Variants in SLC8A1 observed in about 807,000 individuals in gnomAD.
SLC8A1 encodes sodium/calcium exchanger 1.
Under a neutral mutation model 68.3 loss-of-function variants are expected in SLC8A1, and 18 were observed. The ratio of observed to expected loss-of-function variants is 0.26; its 90% confidence interval spans 0.18 to 0.39. The LOEUF (loss-of-function observed/expected upper bound fraction) is 0.39, where lower values mean the gene tolerates loss of function less well. Ranked by LOEUF, SLC8A1 falls within the 10% of genes least tolerant of loss-of-function variation. The pLI is 1.00. For missense variants in SLC8A1, 985 were observed against 1,156.7 expected (o/e 0.85, Z 2.15); for synonymous variants, 475 against 415.5 (o/e 1.14, Z -1.74).
At chr2:40,141,507 G>T (rs1332966433) in intron 6 of SLC8A1, among the ~76,000 whole-genome samples, 12 of 152,194 alleles carry the variant, frequency 7.9e-5, no homozygotes, top group Admixed American at 7.9e-4. Flanking sequence ...TTGCAGATGA[G>T]TGGAATAGCC....
chr2:40,252,939 G>GTACATA (rs201602514), intron 2 of SLC8A1, among the ~76,000 whole-genome samples: 13,064 of 97,380 alleles, frequency 0.13, 1,481 homozygotes, highest in African/African-American at 0.25. Flanking sequence ...GTATATGTAT[G>GTACATA]TACATATATA....
At chr2:40,376,237 G>C (rs1307963676) in intron 2 of SLC8A1, among the ~76,000 whole-genome samples, 51 of 152,008 alleles carry the variant, frequency 3.4e-4, no homozygotes, top group Admixed American at 3.3e-3. Context: ...ATCTAACAAT[G>C]TACAATTTAC....
chr2:40,312,576 T>C (rs962898628), intron 2 of SLC8A1, among the ~76,000 whole-genome samples: 15 of 152,158 alleles, frequency 9.9e-5, no homozygotes, highest in African/African-American at 3.6e-4. Flanking sequence ...TAAATATGTA[T>C]ATGGAAGCAA....
At chr2:40,174,148 C>T (rs879420143) in intron 4 of SLC8A1, among the ~76,000 whole-genome samples, 4 of 152,004 alleles carry the variant, frequency 2.6e-5, no homozygotes, top group Admixed American at 6.6e-5. Flanking sequence ...CAGAGAAACC[C>T]TCAGATTGGT....
intron 2 of SLC8A1, among the ~76,000 whole-genome samples, chr2:40,356,584 C>G (rs145193702): frequency 1.3e-5 from 2 of 148,184 alleles, no homozygotes; most frequent in Admixed American, 1.4e-4. Flanking sequence ...TTCAAAATCA[C>G]GTATGGTCCA....
intron 1 of SLC8A1, among the ~76,000 whole-genome samples, chr2:40,468,789 T>A (rs1399936656): frequency 1.3e-5 from 2 of 152,000 alleles, no homozygotes; most frequent in African/African-American, 4.8e-5. Context: ...TTAAAGCCTT[T>A]CCTGGGCTGG....
intron 2 of SLC8A1, among the ~76,000 whole-genome samples, chr2:40,319,328 C>T (rs1175713219): frequency 1.3e-5 from 2 of 152,088 alleles, no homozygotes; most frequent in Non-Finnish European, 2.9e-5. Flanking sequence ...CTTTCTTTCA[C>T]TATTCTTGGA....
At chr2:40,201,707 A>G (rs949569896) in intron 2 of SLC8A1, among the ~76,000 whole-genome samples, 2 of 151,956 alleles carry the variant, frequency 1.3e-5, no homozygotes, top group South Asian at 4.1e-4. Flanking sequence ...CTGTATGGTC[A>G]TAGAAACACC....
intron 2 of SLC8A1, among the ~76,000 whole-genome samples, chr2:40,354,188 A>G (rs981127299): frequency 2.6e-5 from 4 of 152,106 alleles, no homozygotes; most frequent in African/African-American, 9.7e-5. Context: ...TTTTCTCCCA[A>G]CTTTGCAATG....
chr2:40,467,661 C>T (rs973124262), intron 1 of SLC8A1, among the ~76,000 whole-genome samples: 6 of 152,102 alleles, frequency 3.9e-5, no homozygotes, highest in Admixed American at 3.9e-4. Context: ...TGCATAGTGT[C>T]GGTCTTGTTA....
chr2:40,173,118 G>T (rs1443284132), intron 4 of SLC8A1, among the ~76,000 whole-genome samples: 1 of 152,072 alleles, frequency 6.6e-6, no homozygotes, highest in African/African-American at 2.4e-5. Context: ...TATAATGGTT[G>T]ACTTAAAAAC....
chr2:40,498,711 C>G (rs1375101708), intron 1 of SLC8A1, among the ~76,000 whole-genome samples: 1 of 152,006 alleles, frequency 6.6e-6, no homozygotes, highest in Non-Finnish European at 1.5e-5. Flanking sequence ...TGGTTTTGTC[C>G]AAATACTTTG....
intron 2 of SLC8A1, among the ~76,000 whole-genome samples, chr2:40,316,280 A>C (rs1356921637): frequency 6.6e-6 from 1 of 152,072 alleles, no homozygotes; most frequent in African/African-American, 2.4e-5. Flanking sequence ...GAAGGCTTGC[A>C]ACTTGGATGT....
intron 5 of SLC8A1, among the ~76,000 whole-genome samples, chr2:40,162,915 ACAGTT>A (rs2045933180): frequency 6.6e-6 from 1 of 152,190 alleles, no homozygotes; most frequent in African/African-American, 2.4e-5. Context: ...GGTCTCTGGT[ACAGTT>A]CTGGGAGCTC....
chr2:40,309,850 A>T (rs2073363069), intron 2 of SLC8A1, among the ~76,000 whole-genome samples: 1 of 152,066 alleles, frequency 6.6e-6, no homozygotes, highest in Non-Finnish European at 1.5e-5. Flanking sequence ...AAAATCCAAC[A>T]TGTTTAAAGT....
Position 40,345,174 on chromosome 2 carries a change from G to A in SLC8A1, c.1808+83299C>T, listed in dbSNP as rs145172696. Among the ~76,000 whole-genome samples the A allele has an allele frequency of 6.8e-3, 1,040 of 152,190 alleles. 15 individuals are homozygous for A. The highest frequency in any genetic ancestry group is 0.022 in the African/African-American group (899 of 41,504). Reference sequence around the variant, plus strand: ...GGTGGTTGCTTATGATAGGAGTGAAGGGTAGATGTTTTGACACTCCGTCTC... The same window carrying A: ...GGTGGTTGCTTATGATAGGAGTGAAAGGTAGATGTTTTGACACTCCGTCTC... On this transcript the variant is annotated intron_variant, in intron 2 of 7. Coordinates refer to ENST00000406785, the Ensembl canonical transcript of SLC8A1.
At chr2:40,340,102 A>G (rs1336496251) in intron 2 of SLC8A1, among the ~76,000 whole-genome samples, 1 of 152,212 alleles carries the variant, frequency 6.6e-6, no homozygotes, top group Non-Finnish European at 1.5e-5. Flanking sequence ...ATCCTCATTA[A>G]AATTTGACTC....
At chr2:40,280,883 G>C (rs191602824) in intron 2 of SLC8A1, among the ~76,000 whole-genome samples, 86 of 152,350 alleles carry the variant, frequency 5.6e-4, no homozygotes, top group Middle Eastern at 3.4e-3. Context: ...CATGACTTCA[G>C]TTCTCTCAAA....
chr2:40,191,173 T>C (rs993687103), intron 2 of SLC8A1, among the ~76,000 whole-genome samples: 1 of 152,122 alleles, frequency 6.6e-6, no homozygotes, highest in African/African-American at 2.4e-5. Flanking sequence ...CGACAAAATA[T>C]CAAGGGCATC....
Sources: allele counts gnomAD v4.1 joint callset (sites outside exome capture counted in the v4.1 genomes callset), GRCh38; gene constraint gnomAD v4.1.1; transcripts MANE v1.5; gene names NCBI Gene and HGNC (gene_info 2026-07-23, HGNC 2026-07-21).